Variants in LRRC8C observed in about 807,000 individuals in gnomAD.
LRRC8C encodes the protein volume-regulated anion channel subunit LRRC8C.
LRRC8C carries 20 observed loss-of-function variants against 55.3 expected under a neutral mutation model. The observed-to-expected ratio is 0.36, with a 90% CI of 0.25 to 0.53. The LOEUF is 0.53. Ranked by LOEUF, LRRC8C falls within the 20% of genes least tolerant of loss-of-function variation. The pLI, the probability that LRRC8C is intolerant of heterozygous loss-of-function variation, is 0.92. For missense variants in LRRC8C, 659 were observed against 951.4 expected (o/e 0.69, Z 4.04); for synonymous variants, 376 against 360.7 (o/e 1.04, Z -0.48).
intron 1 of LRRC8C, among the ~76,000 whole-genome samples, chr1:89,673,623 G>C (rs191907516): frequency 3.8e-4 from 58 of 152,266 alleles, no homozygotes; most frequent in Middle Eastern, 3.4e-3. Context: ...ATTACACTTA[G>C]ACCATTCTTG....
chr1:89,672,226 A>G (rs1194570975), intron 1 of LRRC8C, among the ~76,000 whole-genome samples: 1 of 152,174 alleles, frequency 6.6e-6, no homozygotes, highest in African/African-American at 2.4e-5. Context: ...TATACTTCAT[A>G]CTTCCATGCA....
At chr1:89,692,295 T>C (rs997044363) in intron 2 of LRRC8C, among the ~76,000 whole-genome samples, 1 of 152,252 alleles carries the variant, frequency 6.6e-6, no homozygotes, top group Non-Finnish European at 1.5e-5. Context: ...TTGGAATACA[T>C]GACAAGGCAA....
chr1:89,708,865 A>C (rs1658563391), intron 2 of LRRC8C, among the ~76,000 whole-genome samples: 1 of 152,202 alleles, frequency 6.6e-6, no homozygotes, highest in Admixed American at 6.5e-5. Context: ...TTCTACTCAG[A>C]GATGCCTCTC....
chr1:89,661,868 A>G (rs1657132080), intron 1 of LRRC8C, among the ~76,000 whole-genome samples: 1 of 140,528 alleles, frequency 7.1e-6, no homozygotes, highest in South Asian at 2.2e-4. Flanking sequence ...AGGAGGGTGA[A>G]GGCTTGGACC....
intron 1 of LRRC8C, among the ~76,000 whole-genome samples, chr1:89,637,040 A>T (rs1656308112): frequency 2.6e-5 from 4 of 152,150 alleles, no homozygotes; most frequent in Admixed American, 2.6e-4. Context: ...CTTCTTTGTT[A>T]TCTTGAGACT....
intron 1 of LRRC8C, among the ~76,000 whole-genome samples, chr1:89,652,397 C>A (rs925620277): frequency 2.0e-5 from 3 of 152,104 alleles, no homozygotes; most frequent in African/African-American, 4.8e-5. Context: ...AGAGTTTAAC[C>A]TGCTGCACAA....
rs764909156 is a variant in LRRC8C at position 89,713,404 on chromosome 1, A to G, written c.834A>G (p.Ala278=). ...TTATCAAATTCCTAATCATCATTGC[A>G]TATAATAGTGCTCTGGTTTCCAAGG... ...LKVIKFLIII[A]YNSALVSKVQ... The change falls in exon 3 of 3, where the codon GCA becomes GCG. Residue 278 remains alanine, a synonymous_variant. Transcript: ENST00000370454. The surrounding 1 kb of genome is among the most constrained non-coding windows in gnomAD (Gnocchi z 5.2). 1 of 1,614,196 alleles carries G rather than the reference A, an allele frequency of 6.2e-7. No homozygotes were observed. Among genetic ancestry groups the G allele is most frequent in the South Asian group, 1.1e-5 (1 of 91,076 alleles).
chr1:89,641,357 G>A (rs527857900), intron 1 of LRRC8C, among the ~76,000 whole-genome samples: 3 of 152,330 alleles, frequency 2.0e-5, no homozygotes, highest in African/African-American at 7.2e-5. Flanking sequence ...TTTAAAAAAT[G>A]TGGGTTCAAG....
At chr1:89,661,368 T>C in intron 1 of LRRC8C, 1 of 336,958 alleles carries the variant, frequency 3.0e-6, no homozygotes, top group Non-Finnish European at 5.9e-6. Flanking sequence ...CGAGATACAG[T>C]GCTGCTCCAG....
intron 2 of LRRC8C, among the ~76,000 whole-genome samples, chr1:89,699,066 G>T (rs528936907): frequency 6.6e-6 from 1 of 152,066 alleles, no homozygotes; most frequent in Non-Finnish European, 1.5e-5. Context: ...AAAAATAAAC[G>T]GTCAAGCTAT....
chr1:89,646,616 C>A (rs965973127), intron 1 of LRRC8C, among the ~76,000 whole-genome samples: 1 of 152,156 alleles, frequency 6.6e-6, no homozygotes, highest in South Asian at 2.1e-4. Context: ...CAATCTCATA[C>A]ACATTTTATT....
chr1:89,649,412 C>T (rs939886333), intron 1 of LRRC8C, among the ~76,000 whole-genome samples: 4 of 152,152 alleles, frequency 2.6e-5, no homozygotes, highest in Admixed American at 1.3e-4. Context: ...TAGCTAGTTG[C>T]ATTTTTGTTG....
the LRRC8C span, among the ~76,000 whole-genome samples, chr1:89,619,549 T>G: frequency 1.1e-4 from 16 of 150,822 alleles, no homozygotes; most frequent in Admixed American, 4.0e-4. Flanking sequence ...TATGTTCACT[T>G]TTTAAACATT....
chr1:89,657,807 C>T (rs1449524404), intron 1 of LRRC8C, among the ~76,000 whole-genome samples: 2 of 149,644 alleles, frequency 1.3e-5, no homozygotes, highest in African/African-American at 4.9e-5. Context: ...GAAAAATTTT[C>T]AGGGGACCTA....
chr1:89,714,959 C>T lies in LRRC8C; in HGVS notation c.2389C>T (p.Arg797Trp), dbSNP rs945224051. 2 of 1,586,216 alleles carry T rather than the reference C, an allele frequency of 1.3e-6. No homozygotes were observed. The highest frequency in any genetic ancestry group is 1.7e-6 in the Non-Finnish European group (2 of 1,169,432). The change falls in exon 3 of 3, where the codon CGG becomes TGG. Residue 797 changes from arginine (R) to tryptophan (W), a missense_variant. By Grantham distance (101) the Arg-to-Trp change is moderately radical. Coordinates refer to ENST00000370454, the MANE Select transcript of LRRC8C (RefSeq NM_032270.5). This position sits in a 1 kb window ranked among gnomAD's most constrained non-coding sequence, Gnocchi z 4.6. Reference sequence around the variant, plus strand: ...GTTTGAAACTCTGCCTTCTGACGTCCGGGAGCAAATGAAAACAGAATAACT... The same window carrying T: ...GTTTGAAACTCTGCCTTCTGACGTCTGGGAGCAAATGAAAACAGAATAACT... Reference protein sequence around the residue: ...ALFETLPSDVREQMKTE With the variant: ...ALFETLPSDVWEQMKTE
chr1:89,678,423 G>A lies in LRRC8C; in HGVS notation c.-4-8047G>A, dbSNP rs555545013. On this transcript the variant is annotated intron_variant, in intron 1 of 2. Coordinates refer to ENST00000370454, the MANE Select transcript of LRRC8C (RefSeq NM_032270.5). Reference sequence around the variant, plus strand: ...GCAATACATCAAGAAACACAAGGCCGGGCATGGTGGCCCCTGCCTCTAATC... The same window carrying A: ...GCAATACATCAAGAAACACAAGGCCAGGCATGGTGGCCCCTGCCTCTAATC... Among the ~76,000 whole-genome samples, 5 of 152,278 alleles carry A rather than the reference G, an allele frequency of 3.3e-5. No individual in the cohort carries two copies. The South Asian group carries it at 8.3e-4, about 25-fold the overall frequency.
intron 2 of LRRC8C, among the ~76,000 whole-genome samples, chr1:89,699,617 A>G (rs1345186605): frequency 2.0e-5 from 3 of 152,252 alleles, no homozygotes; most frequent in Non-Finnish European, 2.9e-5. Flanking sequence ...ATGATGCCAC[A>G]TACTTGCAGT....
chr1:89,662,824 T>C (rs1657154947), intron 1 of LRRC8C, among the ~76,000 whole-genome samples: 2 of 152,206 alleles, frequency 1.3e-5, no homozygotes, highest in Admixed American at 1.3e-4. Context: ...CCTATGTTTC[T>C]TTTTTTTAAT....
At chr1:89,684,201 C>T (rs1236347947) in intron 1 of LRRC8C, among the ~76,000 whole-genome samples, 6 of 152,004 alleles carry the variant, frequency 3.9e-5, no homozygotes, top group Non-Finnish European at 8.8e-5. Context: ...TTCCTGAGAC[C>T]AAAAAGTTAG....
Sources: gnomAD v4.1 joint callset for allele counts (sites outside exome capture counted in the v4.1 genomes callset) on GRCh38, gnomAD v4.1.1 for gene constraint, Gnocchi (gnomAD v3.1) non-coding constraint, MANE v1.5 for transcripts, NCBI Gene and HGNC (gene_info 2026-07-23, HGNC 2026-07-21) for gene names.